Variants in WDPCP observed in about 807,000 individuals in gnomAD.
The protein encoded by WDPCP is WD repeat containing planar cell polarity effector.
WDPCP carries 71 observed loss-of-function variants against 93.1 expected under a neutral mutation model. The ratio of observed to expected loss-of-function variants is 0.76; its 90% confidence interval spans 0.63 to 0.93. WDPCP has a LOEUF of 0.93. Among genes scored for constraint, WDPCP ranks in the 40% least tolerant of loss-of-function variants. The probability of loss-of-function intolerance (pLI) is 0.00; values close to 1 mark genes in which losing one functional copy is unlikely to be tolerated. For missense variants in WDPCP, 844 were observed against 887.4 expected, an observed-to-expected ratio of 0.95 and a Z score of 0.62; for synonymous variants, 315 against 315.0, an observed-to-expected ratio of 1.00 and a Z score of 0.00.
intron 2 of WDPCP, among the ~76,000 whole-genome samples, chr2:63,664,224 A>G (rs1710259679): frequency 6.6e-6 from 1 of 152,238 alleles, no homozygotes; most frequent in African/African-American, 2.4e-5. Flanking sequence ...GTTTCAAACA[A>G]TAGAAACCAA....
chr2:63,177,372 T>C lies in WDPCP; in HGVS notation c.1916-2540A>G, dbSNP rs570418372. 2.6e-4 allele frequency among the ~76,000 whole-genome samples: 39 copies of C among 152,322 alleles called. No homozygotes were observed. In the South Asian group the frequency reaches 7.9e-3, roughly 31 times the overall value. On this transcript the variant is annotated intron_variant, in intron 14 of 17. Transcript: ENST00000272321. ...TAACAACATGAAGTATTCCAATCCA[T>C]GAATATTGGATGTCTTTCAATTTAT... is the stretch of plus-strand genomic sequence containing the variant.
At chr2:63,479,379 C>CA (rs999032720) in intron 6 of WDPCP, among the ~76,000 whole-genome samples, 2 of 151,500 alleles carry the variant, frequency 1.3e-5, no homozygotes, top group Non-Finnish European at 2.9e-5. Context: ...AAGGACATAA[C>CA]AAAAAAAAGA....
At chr2:63,505,866 T>G (rs1701837709) in intron 1 of WDPCP, among the ~76,000 whole-genome samples, 1 of 152,090 alleles carries the variant, frequency 6.6e-6, no homozygotes, top group Admixed American at 6.6e-5. Context: ...ACCAAAGAAC[T>G]TGTTCTTGAG....
At chr2:63,241,706 T>TTCTA (rs1234852097) in intron 14 of WDPCP, among the ~76,000 whole-genome samples, 9 of 152,116 alleles carry the variant, frequency 5.9e-5, no homozygotes, top group Non-Finnish European at 1.3e-4. Context: ...TCAAATGATG[T>TTCTA]TCTATCTCAG....
chr2:63,809,340 G>A (rs1226807687), intron 2 of WDPCP, among the ~76,000 whole-genome samples: 18 of 151,468 alleles, frequency 1.2e-4, no homozygotes, highest in African/African-American at 1.9e-4. Context: ...GGTGAGGGGC[G>A]CCTCTGCCCA....
chr2:63,621,380 A>G (rs759425200), intron 3 of WDPCP, among the ~76,000 whole-genome samples: 1 of 151,998 alleles, frequency 6.6e-6, no homozygotes, highest in African/African-American at 2.4e-5. Flanking sequence ...TGAAGCATAC[A>G]CAAGTATCAA....
At chr2:63,631,489 C>T (rs1709864364) in intron 3 of WDPCP, among the ~76,000 whole-genome samples, 2 of 151,598 alleles carry the variant, frequency 1.3e-5, no homozygotes, top group Non-Finnish European at 2.9e-5. Flanking sequence ...AATAGAAAAA[C>T]AATAGGGAGA....
intron 14 of WDPCP, 97 bp from the exon 15 acceptor site, chr2:63,174,929 T>C (rs1239436181): frequency 1.5e-6 from 2 of 1,356,210 alleles, no homozygotes; most frequent in South Asian, 2.4e-5. Context: ...CATATCCCAG[T>C]GGAACTTTTT....
At chr2:63,127,360 T>G (rs1377174753) in intron 17 of WDPCP, among the ~76,000 whole-genome samples, 1 of 151,896 alleles carries the variant, frequency 6.6e-6, no homozygotes. Flanking sequence ...CCTGACCTCG[T>G]GATCTGCCCG....
chr2:63,206,088 C>T (rs1382213816), intron 14 of WDPCP, among the ~76,000 whole-genome samples: 2 of 152,114 alleles, frequency 1.3e-5, no homozygotes. Context: ...GATCATACGG[C>T]TTTTGTCTTT....
chr2:63,355,893 A>G (rs1689986624), intron 12 of WDPCP, among the ~76,000 whole-genome samples: 1 of 152,122 alleles, frequency 6.6e-6, no homozygotes, highest in Admixed American at 6.5e-5. Flanking sequence ...GTCTCAAAAA[A>G]CAAACAAACA....
At chr2:63,249,955 CT>C (rs1680586582) in intron 14 of WDPCP, among the ~76,000 whole-genome samples, 1 of 152,176 alleles carries the variant, frequency 6.6e-6, no homozygotes, top group African/African-American at 2.4e-5. Context: ...TCATGAATTT[CT>C]GTTTCCTTCT....
chr2:63,796,670 C>G (rs866737234), intron 2 of WDPCP, among the ~76,000 whole-genome samples: 1 of 152,220 alleles, frequency 6.6e-6, no homozygotes, highest in Admixed American at 6.5e-5. Context: ...CAGCCCCAGC[C>G]AGAGGAGAGC....
At chr2:63,552,277 TTTATG>T (rs1454806019) in intron 1 of WDPCP, among the ~76,000 whole-genome samples, 2 of 151,154 alleles carry the variant, frequency 1.3e-5, no homozygotes, top group Non-Finnish European at 2.9e-5. Flanking sequence ...TTCTTTCTCT[TTTATG>T]TTGTTTATTC....
chr2:63,497,642 T>A (rs988359772), intron 1 of WDPCP, among the ~76,000 whole-genome samples: 2 of 152,298 alleles, frequency 1.3e-5, no homozygotes, highest in East Asian at 3.9e-4. Flanking sequence ...CTTCAAGCAT[T>A]ATATGTCATG....
chr2:63,701,264 A>C (rs1199706869), intron 2 of WDPCP, among the ~76,000 whole-genome samples: 1 of 152,226 alleles, frequency 6.6e-6, no homozygotes, highest in Non-Finnish European at 1.5e-5. Flanking sequence ...AATGCTCAAC[A>C]TTGCTAGTCA....
intron 10 of WDPCP, 47 bp from the exon 11 acceptor site, chr2:63,382,141 G>C: frequency 6.4e-7 from 1 of 1,554,032 alleles, no homozygotes; most frequent in South Asian, 1.2e-5. Context: ...AAATAAAATA[G>C]AATAACAAAA....
intron 6 of WDPCP, among the ~76,000 whole-genome samples, chr2:63,472,419 AT>A (rs1204114704): frequency 2.0e-5 from 3 of 151,258 alleles, no homozygotes; most frequent in Non-Finnish European, 4.4e-5. Context: ...TAATATTCTA[AT>A]TTTTTTTATC....
chr2:63,128,055 C>T, intron 17 of WDPCP, among the ~76,000 whole-genome samples: 1 of 152,142 alleles, frequency 6.6e-6, no homozygotes, highest in South Asian at 2.1e-4. Flanking sequence ...AGGAGAATCA[C>T]TTGAACCCGG....
Sources: allele counts gnomAD v4.1 joint callset (sites outside exome capture counted in the v4.1 genomes callset), GRCh38; gene constraint gnomAD v4.1.1; transcripts MANE v1.5; gene names NCBI Gene and HGNC (gene_info 2026-07-23, HGNC 2026-07-21).